The following CERKL variants were observed in gnomAD, a reference collection of about 807,000 sequenced individuals.
CERKL encodes the protein ceramide kinase-like protein.
Under a neutral mutation model 63.4 loss-of-function variants are expected in CERKL, and 61 were observed. That is an observed-to-expected ratio of 0.96 (90% CI 0.78 to 1.19). CERKL has a LOEUF of 1.19. CERKL is among the 50% of genes most tolerant of loss of function. CERKL has a pLI of 0.00. For synonymous variants in CERKL, 250 were observed against 230.5 expected, an observed-to-expected ratio of 1.08 and a Z score of -0.77; for missense variants, 675 against 655.5, an observed-to-expected ratio of 1.03 and a Z score of -0.33.
chr2:181,645,927 A>C (rs1224265098), intron 1 of CERKL, among the ~76,000 whole-genome samples: 1 of 152,234 alleles, frequency 6.6e-6, no homozygotes, highest in African/African-American at 2.4e-5. Flanking sequence ...GAAATTATAT[A>C]GTATACAAGG....
Position 181,656,964 on chromosome 2 carries a change from C to T in CERKL, c.43G>A (p.Gly15Ser). ...RRRNRVSALE[G>S]GREEEAPPEA... ...GGGGGCGCCTCTTCCTCCCGGCCGCCCTCCAGGGCACTCACCCGGTTCCTG... is the reference window on the plus strand; with the variant it reads ...GGGGGCGCCTCTTCCTCCCGGCCGCTCTCCAGGGCACTCACCCGGTTCCTG... The change falls in exon 1 of 13, where the codon GGC becomes AGC. Residue 15 changes from glycine (G) to serine (S), a missense_variant. Transcript: ENST00000410087. The T allele has an allele frequency of 1.3e-6, 2 of 1,579,926 alleles. No homozygotes were observed. Among genetic ancestry groups the T allele is most frequent in the Non-Finnish European group, 1.7e-6 (2 of 1,163,476 alleles).
chr2:181,656,017 G>T (rs1688139824), intron 1 of CERKL, among the ~76,000 whole-genome samples: 1 of 152,194 alleles, frequency 6.6e-6, no homozygotes, highest in South Asian at 2.1e-4. Flanking sequence ...TGACTAAGAC[G>T]TGAAAATAGA....
rs191784663 is a variant in CERKL at position 181,575,554 on chromosome 2, T to C, written c.482-1670A>G. On this transcript the variant is annotated intron_variant, in intron 2 of 12. Coordinates refer to ENST00000410087, the MANE Select transcript of CERKL (RefSeq NM_201548.5). ...TTCTTATTAGGGATCTGGAAAAGGCTTCAAGAGAAGGGAGTATCTGAGCAG... is the reference window on the plus strand; with the variant it reads ...TTCTTATTAGGGATCTGGAAAAGGCCTCAAGAGAAGGGAGTATCTGAGCAG... Among the ~76,000 whole-genome samples, 1,084 of 152,182 alleles carry C rather than the reference T, an allele frequency of 7.1e-3. 5 individuals carry two copies. The highest frequency in any genetic ancestry group is 0.01 in the Non-Finnish European group (691 of 67,998).
In CERKL at chr2:181,538,152, G is replaced by GTTTGTACATTTCTTT; in HGVS notation, c.*17_*31dup. ...CACATTTCTTTATATTAAAATTCTAGTTTGTACATTTCTTTTAGAAACAAT... is the reference window on the plus strand; with the variant it reads ...CACATTTCTTTATATTAAAATTCTAGTTTGTACATTTCTTTTTTGTACATTTCTTTTAGAAACAAT... On this transcript the variant is annotated 3_prime_UTR_variant, in exon 13 of 13. Transcript: ENST00000410087. 7.1e-7 allele frequency: 1 copy of GTTTGTACATTTCTTT among 1,409,374 alleles called. No homozygotes were observed. Among genetic ancestry groups the GTTTGTACATTTCTTT allele is most frequent in the Non-Finnish European group, 1.0e-6 (1 of 998,866 alleles). 87.3% of individuals were successfully genotyped at this position (1,409,374 alleles called of 1,614,324 possible). A position where few individuals can be genotyped will look rare whatever the true frequency, so the allele number is the denominator to read the frequency against.
At chr2:181,605,097 T>C (rs1034646767) in intron 1 of CERKL, among the ~76,000 whole-genome samples, 16 of 152,144 alleles carry the variant, frequency 1.1e-4, no homozygotes, top group African/African-American at 3.1e-4. Flanking sequence ...TTTTCAGACA[T>C]TGGACATCAG....
intron 3 of CERKL, among the ~76,000 whole-genome samples, chr2:181,568,268 T>C (rs1311648462): frequency 6.6e-6 from 1 of 152,212 alleles, no homozygotes; most frequent in Non-Finnish European, 1.5e-5. Context: ...TGTCATTTTC[T>C]TTCCTGTCCT....
At chr2:181,585,706 G>A (rs546537496) in intron 2 of CERKL, among the ~76,000 whole-genome samples, 13 of 151,724 alleles carry the variant, frequency 8.6e-5, no homozygotes, top group South Asian at 6.2e-4. Flanking sequence ...TTTGAGAACT[G>A]GTAAAAAATC....
At chr2:181,556,326 T>C (rs553987798) in intron 5 of CERKL, among the ~76,000 whole-genome samples, 3 of 152,162 alleles carry the variant, frequency 2.0e-5, no homozygotes, top group African/African-American at 2.4e-5. Flanking sequence ...ATGTGCCATG[T>C]TGGTGTGCTG....
chr2:181,638,786 A>C (rs1224939854), intron 1 of CERKL, among the ~76,000 whole-genome samples: 1 of 152,192 alleles, frequency 6.6e-6, no homozygotes, highest in Non-Finnish European at 1.5e-5. Context: ...AGGACTCCTA[A>C]TGGGCAATCT....
At position 181,601,457 on chromosome 2, in the gene CERKL, A is replaced by C. The variant is rs956446515; in HGVS notation, c.481+2380T>G. Among the ~76,000 whole-genome samples, 3 of 151,962 alleles carry C rather than the reference A, an allele frequency of 2.0e-5. No homozygotes were observed. In the East Asian group the frequency reaches 5.8e-4, roughly 29 times the overall value. On this transcript the variant is annotated intron_variant, in intron 2 of 12. Transcript: ENST00000410087. The stretch of plus-strand genomic sequence containing the variant: ...GTGCCTGTAATCCCAGCTACTCGGG[A>C]GGCTGAGGCAGGGAGAATTGCTCAA...
chr2:181,588,411 G>A (rs922013121), intron 2 of CERKL, among the ~76,000 whole-genome samples: 1 of 152,142 alleles, frequency 6.6e-6, no homozygotes, highest in Admixed American at 6.5e-5. Flanking sequence ...CAACCACGTT[G>A]TGGCAAATGA....
chr2:181,623,802 T>C (rs1479146844), intron 1 of CERKL, among the ~76,000 whole-genome samples: 1 of 152,210 alleles, frequency 6.6e-6, no homozygotes, highest in East Asian at 1.9e-4. Flanking sequence ...ATTCTGCAGC[T>C]GAACTGACAA....
intron 1 of CERKL, among the ~76,000 whole-genome samples, chr2:181,624,136 G>A (rs1044440379): frequency 5.9e-5 from 9 of 152,120 alleles, no homozygotes; most frequent in Non-Finnish European, 1.3e-4. Context: ...GAGGGATCAG[G>A]CACAAGTAGC....
intron 3 of CERKL, among the ~76,000 whole-genome samples, chr2:181,566,946 ATG>A (rs1281715225): frequency 2.6e-5 from 4 of 152,068 alleles, no homozygotes; most frequent in African/African-American, 9.7e-5. Flanking sequence ...TTGTGTAAGA[ATG>A]TGTGTCATTA....
chr2:181,623,254 G>C (rs898714384), intron 1 of CERKL, among the ~76,000 whole-genome samples: 1 of 152,116 alleles, frequency 6.6e-6, no homozygotes, highest in Non-Finnish European at 1.5e-5. Context: ...GACACAAGGT[G>C]ATCAGAAAAG....
chr2:181,609,714 T>C (rs765539322), intron 1 of CERKL, among the ~76,000 whole-genome samples: 1 of 151,142 alleles, frequency 6.6e-6, no homozygotes, highest in Non-Finnish European at 1.5e-5. Flanking sequence ...AATAAATAAA[T>C]AAATAAATGA....
chr2:181,586,950 T>C (rs1009111088), intron 2 of CERKL, among the ~76,000 whole-genome samples: 2 of 152,160 alleles, frequency 1.3e-5, no homozygotes, highest in African/African-American at 4.8e-5. Context: ...AGCAACCAAG[T>C]TGTTGCAAAG....
At chr2:181,541,220 G>A (rs1172674066) in intron 11 of CERKL, among the ~76,000 whole-genome samples, 1 of 152,192 alleles carries the variant, frequency 6.6e-6, no homozygotes, top group Non-Finnish European at 1.5e-5. Flanking sequence ...ATAGGAAAAG[G>A]CATCGGGGAT....
Position 181,558,214 on chromosome 2 carries a change from C to T in CERKL, c.820+352G>A, listed in dbSNP as rs1326508024. 6.6e-6 allele frequency among the ~76,000 whole-genome samples: 1 copy of T among 152,140 alleles called. No individual in the cohort carries two copies. Among genetic ancestry groups the T allele is most frequent in the African/African-American group, 2.4e-5 (1 of 41,418 alleles). On this transcript the variant is annotated intron_variant, in intron 5 of 12. Coordinates refer to ENST00000410087, the MANE Select transcript of CERKL (RefSeq NM_201548.5). The surrounding 1 kb of genome is among the most constrained non-coding windows in gnomAD (Gnocchi z 4.2). ...AGTGGCCCTGTTTTGAAACTTCTTA[C>T]CTGGTACTGTGTAATCAACAGATTT...
Sources: gnomAD v4.1 joint callset for allele counts (sites outside exome capture counted in the v4.1 genomes callset) on GRCh38, gnomAD v4.1.1 for gene constraint, Gnocchi (gnomAD v3.1) non-coding constraint, MANE v1.5 for transcripts, NCBI Gene and HGNC (gene_info 2026-07-23, HGNC 2026-07-21) for gene names.